ATG7: variants seen among roughly 807,000 people sequenced by gnomAD.
The protein encoded by ATG7 is ubiquitin-like modifier-activating enzyme ATG7.
Under a neutral mutation model 82.4 loss-of-function variants are expected in ATG7, and 70 were observed. The observed-to-expected ratio is 0.85, with a 90% CI of 0.70 to 1.04. The LOEUF (loss-of-function observed/expected upper bound fraction) is 1.04. Ranked by LOEUF, ATG7 falls within the 50% of genes least tolerant of loss-of-function variation. The pLI is 0.00. For missense variants in ATG7, 792 were observed against 864.3 expected, an observed-to-expected ratio of 0.92 and a Z score of 1.05; for synonymous variants, 287 against 313.0, an observed-to-expected ratio of 0.92 and a Z score of 0.88.
At chr3:11,470,229 G>A (rs1248572618) in intron 20 of ATG7, among the ~76,000 whole-genome samples, 9 of 152,218 alleles carry the variant, frequency 5.9e-5, no homozygotes, top group East Asian at 5.8e-4. Flanking sequence ...ATCACTTAAC[G>A]ATGGGGATGC....
intron 19 of ATG7, among the ~76,000 whole-genome samples, chr3:11,408,787 C>T (rs182503411): frequency 6.6e-6 from 1 of 152,308 alleles, no homozygotes; most frequent in Admixed American, 6.5e-5. Context: ...TAGTCTCCCA[C>T]TGGGTCCTTC....
At chr3:11,391,385 G>A (rs987875948) in intron 19 of ATG7, among the ~76,000 whole-genome samples, 1 of 152,156 alleles carries the variant, frequency 6.6e-6, no homozygotes, top group Non-Finnish European at 1.5e-5. Context: ...TCATTTCCTG[G>A]AGGCTGAAGA....
chr3:11,479,468 A>G (rs1443703117), intron 20 of ATG7, among the ~76,000 whole-genome samples: 1 of 152,168 alleles, frequency 6.6e-6, no homozygotes, highest in South Asian at 2.1e-4. Context: ...CAAACATCGT[A>G]AAGTTACTTC....
chr3:11,379,821 A>G (rs1352757837), intron 18 of ATG7, 151 bp from the exon 19 acceptor site: 1 of 708,488 alleles, frequency 1.4e-6, no homozygotes, highest in Admixed American at 2.3e-5. Context: ...TTACAAGGGA[A>G]AATACTCATT....
intron 19 of ATG7, among the ~76,000 whole-genome samples, chr3:11,411,929 G>A (rs1294730461): frequency 6.6e-6 from 1 of 150,398 alleles, no homozygotes. Context: ...TCCTTCTTTT[G>A]CCTGTGGATA....
chr3:11,491,937 GAGGTGGAGCCTACAGAGGC>G (rs1405036223), intron 20 of ATG7, among the ~76,000 whole-genome samples: 1 of 152,210 alleles, frequency 6.6e-6, no homozygotes, highest in African/African-American at 2.4e-5. Flanking sequence ...CCTGCCCCCA[GAGGTGGAGCCTACAGAGGC>G]AGGTAGGCCT....
chr3:11,369,126 C>A lies in ATG7; in HGVS notation c.1875+4392C>A, dbSNP rs890757233. 4.6e-5 allele frequency among the ~76,000 whole-genome samples: 7 copies of A among 150,842 alleles called. 1 individual carries two copies. The highest frequency in any genetic ancestry group is 8.9e-5 in the Non-Finnish European group (6 of 67,740). On this transcript the variant is annotated intron_variant, in intron 18 of 20. Coordinates refer to ENST00000693202, the MANE Select transcript of ATG7 (RefSeq NM_001349232.2). ...TTTGGCCTTTCTGCACAGGCTGTGT[C>A]CCCCAAATCCTCAAGCCTTTAGATT... is the stretch of plus-strand genomic sequence containing the variant.
intron 20 of ATG7, among the ~76,000 whole-genome samples, chr3:11,464,278 G>T (rs574888879): frequency 8.5e-5 from 13 of 152,210 alleles, no homozygotes; most frequent in Non-Finnish European, 1.2e-4. Context: ...AGTCTGAGGT[G>T]GGAGGATTGC....
chr3:11,417,135 G>T (rs1432875124), intron 19 of ATG7, among the ~76,000 whole-genome samples: 2 of 152,200 alleles, frequency 1.3e-5, no homozygotes, highest in Non-Finnish European at 2.9e-5. Flanking sequence ...AATGTGAGAA[G>T]AATGTGTATT....
intron 9 of ATG7, among the ~76,000 whole-genome samples, chr3:11,321,186 A>G (rs1287246655): frequency 5.3e-5 from 8 of 152,218 alleles, no homozygotes; most frequent in Non-Finnish European, 1.2e-4. Context: ...ACATGCTTGG[A>G]GGAAGATGAA....
chr3:11,342,557 A>G (rs1001149489), intron 13 of ATG7, among the ~76,000 whole-genome samples: 1 of 152,176 alleles, frequency 6.6e-6, no homozygotes, highest in Non-Finnish European at 1.5e-5. Context: ...TATTGTAGAC[A>G]TATCTAAATA....
At chr3:11,459,338 T>C (rs1245147565) in intron 20 of ATG7, among the ~76,000 whole-genome samples, 1 of 152,212 alleles carries the variant, frequency 6.6e-6, no homozygotes, top group East Asian at 1.9e-4. Flanking sequence ...CTCAGACATA[T>C]GTCTTGGCTG....
chr3:11,568,874 G>A, the ATG7 span: 3 of 1,352,692 alleles, frequency 2.2e-6, no homozygotes, highest in Non-Finnish European at 2.9e-6. The surrounding 1 kb of genome is among the most constrained non-coding windows in gnomAD (Gnocchi z 5.9). Flanking sequence ...CGCTGAGGCT[G>A]CACGGCACCC....
Position 11,282,288 on chromosome 3 carries a change from T to C in ATG7, c.-161T>C, listed in dbSNP as rs1024201302. ...TTGCATGTGAAGGTGAAGGATATTA[T>C]AGCAGAAGGAAACCAAAATAAAAGA... is the stretch of plus-strand genomic sequence containing the variant. On this transcript the variant is annotated 5_prime_UTR_variant, in exon 3 of 21. Coordinates refer to ENST00000693202, the MANE Select transcript of ATG7 (RefSeq NM_001349232.2). 6.6e-6 allele frequency: 1 copy of C among 152,218 alleles called. No homozygotes were observed. The highest frequency in any genetic ancestry group is 1.5e-5 in the Non-Finnish European group (1 of 68,060). 9.4% of individuals were successfully genotyped at this position (152,218 alleles called of 1,614,324 possible).
chr3:11,513,871 A>C (rs2092172462), intron 20 of ATG7, among the ~76,000 whole-genome samples: 1 of 152,222 alleles, frequency 6.6e-6, no homozygotes. Flanking sequence ...CTGCTGTCTT[A>C]TGAACATCTA....
chr3:11,539,580 T>C (rs977589511), intron 20 of ATG7, among the ~76,000 whole-genome samples: 1 of 151,576 alleles, frequency 6.6e-6, no homozygotes, highest in Non-Finnish European at 1.5e-5. Context: ...TGGCGGGGGG[T>C]CGCCCACTTT....
At chr3:11,565,696 G>C in the ATG7 span, among the ~76,000 whole-genome samples, 1 of 152,218 alleles carries the variant, frequency 6.6e-6, no homozygotes, top group African/African-American at 2.4e-5. This position sits in a 1 kb window ranked among gnomAD's most constrained non-coding sequence, Gnocchi z 4.1. Context: ...GCGTCCAGAA[G>C]GTCCATCACT....
the ATG7 span, chr3:11,565,063 C>T: frequency 6.9e-7 from 1 of 1,450,622 alleles, no homozygotes; most frequent in African/African-American, 1.5e-5. The surrounding 1 kb of genome is among the most constrained non-coding windows in gnomAD (Gnocchi z 4.1). Flanking sequence ...TTCTCAAAGG[C>T]AAAGGGGACA....
At chr3:11,319,079 A>T (rs937214080) in intron 9 of ATG7, among the ~76,000 whole-genome samples, 1 of 152,212 alleles carries the variant, frequency 6.6e-6, no homozygotes, top group African/African-American at 2.4e-5. Flanking sequence ...CTGGACACTT[A>T]AGAGACACAT....
Sources: gnomAD v4.1 joint callset for allele counts (sites outside exome capture counted in the v4.1 genomes callset) on GRCh38, gnomAD v4.1.1 for gene constraint, Gnocchi (gnomAD v3.1) non-coding constraint, MANE v1.5 for transcripts, NCBI Gene and HGNC (gene_info 2026-07-23, HGNC 2026-07-21) for gene names.